The following CYTH2 variants were observed in gnomAD, a reference collection of about 807,000 sequenced individuals.
CYTH2 encodes the protein cytohesin-2.
Under a neutral mutation model 55.4 loss-of-function variants are expected in CYTH2, and 24 were observed. The ratio of observed to expected loss-of-function variants is 0.43; its 90% CI spans 0.31 to 0.61. CYTH2 has a LOEUF of 0.61. CYTH2 is among the 20% of genes least tolerant of loss of function. The probability of loss-of-function intolerance (pLI) is 0.08; values close to 1 mark genes in which losing one functional copy is unlikely to be tolerated. For synonymous variants in CYTH2, 221 were observed against 209.6 expected (o/e 1.05, Z -0.47); for missense variants, 378 against 533.5 (o/e 0.71, Z 2.87).
chr19:48,482,210 C>T lies in CYTH2; in HGVS notation c.*3000C>T, dbSNP rs1386631558. 2.6e-5 allele frequency: 4 copies of T among 152,088 alleles called. No homozygotes were observed. Among genetic ancestry groups the T allele is most frequent in the African/African-American group, 7.3e-5 (3 of 41,358 alleles). 9.4% of individuals were successfully genotyped at this position (152,088 alleles called of 1,614,324 possible). A position where few individuals can be genotyped will look rare whatever the true frequency, so the allele number is the denominator to read the frequency against. The stretch of plus-strand genomic sequence containing the variant: ...AACCTCTTCCTTTATAAAGACCCAG[C>T]CTCAGGTCTTCTGTCAGAGCAACAC... On this transcript the variant is annotated 3_prime_UTR_variant, in exon 12 of 12. Coordinates refer to ENST00000452733, the MANE Select transcript of CYTH2 (RefSeq NM_004228.7).
In CYTH2 at chr19:48,473,866, C is replaced by T. The variant is rs768351607; in HGVS notation, c.435-39C>T. 2.6e-6 allele frequency: 4 copies of T among 1,519,460 alleles called. No homozygotes were observed. The African/African-American group carries it at 4.2e-5, about 16-fold the overall frequency. The allele number at this position is 1,519,460 out of a possible 1,614,324, so 94.1% of individuals were successfully genotyped here. A position where few individuals can be genotyped will look rare whatever the true frequency, so the allele number is the denominator to read the frequency against. The stretch of plus-strand genomic sequence containing the variant: ...GACTGAGAGTGGGGACAGGCTCCCA[C>T]CAGCCCTGGCATCCATTCCTGGCCC... On this transcript the variant is annotated intron_variant, in intron 5 of 11. Coordinates refer to ENST00000452733, the MANE Select transcript of CYTH2 (RefSeq NM_004228.7).
In CYTH2 at chr19:48,481,477, G is replaced by T; in HGVS notation, c.*2267G>T. ...ACCCCCAAGCTCCCAGCACGCTTCT[G>T]ATTTTTTTTGTAGGTTTTTTTTTTT... On this transcript the variant is annotated 3_prime_UTR_variant, in exon 12 of 12. Coordinates refer to ENST00000452733, the MANE Select transcript of CYTH2 (RefSeq NM_004228.7). 1.4e-5 allele frequency: 1 copy of T among 70,442 alleles called. No individual in the cohort carries two copies. The highest frequency in any genetic ancestry group is 3.1e-5 in the Non-Finnish European group (1 of 32,516). 4.4% of individuals were successfully genotyped at this position (70,442 alleles called of 1,614,324 possible). A position where few individuals can be genotyped will look rare whatever the true frequency, so the allele number is the denominator to read the frequency against.
Position 48,480,458 on chromosome 19 carries a change from C to T in CYTH2, c.*1248C>T, listed in dbSNP as rs1401910064. On this transcript the variant is annotated 3_prime_UTR_variant, in exon 12 of 12. Coordinates refer to ENST00000452733, the MANE Select transcript of CYTH2 (RefSeq NM_004228.7). ...CCTGTCCCGCCCTTGGCCACAGGCA[C>T]CTGCCGGCCTGAAGGCCCCCGCGGT... The T allele has an allele frequency of 6.6e-6, 1 of 152,222 alleles. No homozygotes were observed. Among genetic ancestry groups the T allele is most frequent in the Non-Finnish European group, 1.5e-5 (1 of 68,050 alleles). 9.4% of individuals were successfully genotyped at this position (152,222 alleles called of 1,614,324 possible).
intron 4 of CYTH2, 28 bp downstream of exon 4, chr19:48,472,471 G>GCGCCCCCCCC: frequency 6.3e-7 from 1 of 1,584,676 alleles, no homozygotes; most frequent in Non-Finnish European, 8.6e-7. Flanking sequence ...CTCCTGTGGG[G>GCGCCCCCCCC]CCCCTCCCTC....
intron 3 of CYTH2, 23 bp from the exon 4 acceptor site, chr19:48,472,302 G>C (rs2147504755): frequency 6.2e-7 from 1 of 1,611,974 alleles, no homozygotes; most frequent in South Asian, 1.1e-5. Flanking sequence ...CCTCAGCACT[G>C]AGACCTTGTC....
chr19:48,474,713 TC>T lies in CYTH2; in HGVS notation c.697-121del. 1 of 781,262 alleles carries T rather than the reference TC, an allele frequency of 1.3e-6. No homozygotes were observed. The highest frequency in any genetic ancestry group is 2.1e-6 in the Non-Finnish European group (1 of 469,698). The allele number at this position is 781,262 out of a possible 1,614,324, so 48.4% of individuals were successfully genotyped here. Reference sequence around the variant, plus strand: ...TTCTCTGCCTTTCACTTCCCTCTCCTCCCCACTACCCCTCTCTCTTCCCCAC... The same window carrying T: ...TTCTCTGCCTTTCACTTCCCTCTCCTCCCACTACCCCTCTCTCTTCCCCAC... On this transcript the variant is annotated intron_variant, in intron 7 of 11. Coordinates refer to ENST00000452733, the MANE Select transcript of CYTH2 (RefSeq NM_004228.7). The surrounding 1 kb of genome is among the most constrained non-coding windows in gnomAD (Gnocchi z 4.9).
chr19:48,472,507 C>A, intron 4 of CYTH2, 64 bp downstream of exon 4: 1 of 1,325,954 alleles, frequency 7.5e-7, no homozygotes, highest in Non-Finnish European at 1.1e-6. Context: ...AGCTCCTGCC[C>A]TCACACTGGC....
Position 48,476,244 on chromosome 19 carries a change from C to T in CYTH2, c.808+1295C>T, listed in dbSNP as rs188837886. 391 of 241,828 alleles carry T rather than the reference C, an allele frequency of 1.6e-3. 3 individuals carry two copies. Among genetic ancestry groups the T allele is most frequent in the African/African-American group, 8.3e-3 (358 of 43,142 alleles). 15.0% of individuals were successfully genotyped at this position (241,828 alleles called of 1,614,324 possible). A position where few individuals can be genotyped will look rare whatever the true frequency, so the allele number is the denominator to read the frequency against. ...TTAGAGGTCAGGAGTTTGAGACCAA[C>T]CTGGGCAATATAATGATACCCCCCA... On this transcript the variant is annotated intron_variant, in intron 8 of 11. Transcript: ENST00000452733.
chr19:48,478,015 A>G, intron 8 of CYTH2, 54 bp from the exon 9 acceptor site: 2 of 1,475,020 alleles, frequency 1.4e-6, no homozygotes, highest in Non-Finnish European at 1.9e-6. Flanking sequence ...CCCATCTCCC[A>G]GAGGCCCTGT....
chr19:48,477,014 C>G (rs1201853815), intron 8 of CYTH2: 2 of 152,252 alleles, frequency 1.3e-5, no homozygotes, highest in African/African-American at 4.8e-5. Flanking sequence ...GGCCTCTGTT[C>G]CCTTTGTGCC....
intron 4 of CYTH2, 128 bp downstream of exon 4, chr19:48,472,571 C>G: frequency 1.2e-6 from 1 of 810,356 alleles, no homozygotes; most frequent in Non-Finnish European, 2.1e-6. Flanking sequence ...CCTGGCAGAT[C>G]AGCCTTCTGA....
At chr19:48,469,894 T>G (rs1971752833) in intron 1 of CYTH2, 3 of 555,982 alleles carry the variant, frequency 5.4e-6, no homozygotes, top group African/African-American at 1.9e-5. Flanking sequence ...GGGCCTTCGA[T>G]GTCCCGCCCC....
rs1038838789 is a variant in CYTH2, at chr19:48,480,186, G to C, written c.*976G>C. On this transcript the variant is annotated 3_prime_UTR_variant, in exon 12 of 12. Transcript: ENST00000452733. ...TATGTGTGGTGTCCCCAAAGAACAA[G>C]GGCTCGTGGATCCCGAGCAGGGTGC... The C allele has an allele frequency of 1.3e-5, 2 of 152,230 alleles. No homozygotes were observed. Among genetic ancestry groups the C allele is most frequent in the African/African-American group, 2.4e-5 (1 of 41,456 alleles). 9.4% of individuals were successfully genotyped at this position (152,230 alleles called of 1,614,324 possible). A position where few individuals can be genotyped will look rare whatever the true frequency, so the allele number is the denominator to read the frequency against.
At chr19:48,477,998 C>T (rs923313699) in intron 8 of CYTH2, 71 bp from the exon 9 acceptor site, 17 of 1,292,664 alleles carry the variant, frequency 1.3e-5, no homozygotes, top group Middle Eastern at 2.1e-4. Flanking sequence ...CTGCTTCTCA[C>T]GCCCCTCCCA....
Position 48,469,474 on chromosome 19 carries a change from C to G in CYTH2, c.-34C>G. 1 of 1,308,356 alleles carries G rather than the reference C, an allele frequency of 7.6e-7. No individual in the cohort carries two copies. Among genetic ancestry groups the G allele is most frequent in the Non-Finnish European group, 9.8e-7 (1 of 1,021,214 alleles). 81.0% of individuals were successfully genotyped at this position (1,308,356 alleles called of 1,614,324 possible). A position where few individuals can be genotyped will look rare whatever the true frequency, so the allele number is the denominator to read the frequency against. On this transcript the variant is annotated 5_prime_UTR_variant, in exon 1 of 12. Transcript: ENST00000452733. The stretch of plus-strand genomic sequence containing the variant: ...CGGATCCAGGCCCGACTGGCGGGAC[C>G]GCCCCGGATTCCCCGCGGGCCTTCC...
At position 48,479,269 on chromosome 19, in the gene CYTH2, C is replaced by T; in HGVS notation, c.*59C>T. On this transcript the variant is annotated 3_prime_UTR_variant, in exon 12 of 12. Transcript: ENST00000452733. ...GCTGCCCCGCCTGGGTGGCCGGACC[C>T]CTGGGCCTTGGGGCTGTGGATCCTG... 6.3e-7 allele frequency: 1 copy of T among 1,588,906 alleles called. No individual in the cohort carries two copies. Among genetic ancestry groups the T allele is most frequent in the Non-Finnish European group, 8.6e-7 (1 of 1,158,354 alleles).
chr19:48,469,748 G>C (rs913970961), intron 1 of CYTH2: 3 of 727,802 alleles, frequency 4.1e-6, no homozygotes, highest in African/African-American at 3.6e-5. Context: ...CGGTGGCGGC[G>C]GGAGGGGCGG....
chr19:48,473,134 C>T (rs571702615), intron 4 of CYTH2, 164 bp from the exon 5 acceptor site: 3 of 694,486 alleles, frequency 4.3e-6, no homozygotes, highest in Admixed American at 2.3e-5. Flanking sequence ...GAGCATCCCC[C>T]ACCCTGGGGG....
Position 48,469,414 on chromosome 19 carries a change from G to C in CYTH2, c.-94G>C. On this transcript the variant is annotated 5_prime_UTR_variant, in exon 1 of 12. Transcript: ENST00000452733. ...AGGAGGCGGCGGTGGCTCCCGGGGC[G>C]TTTGAGCGGGCTCACCCGAGCCCGC... is the stretch of plus-strand genomic sequence containing the variant. The C allele has an allele frequency of 7.8e-7, 1 of 1,286,960 alleles. No individual in the cohort carries two copies. Among genetic ancestry groups the C allele is most frequent in the South Asian group, 2.4e-5 (1 of 41,138 alleles). 79.7% of individuals were successfully genotyped at this position (1,286,960 alleles called of 1,614,324 possible).
Sources: allele counts gnomAD v4.1 joint callset, GRCh38; gene constraint gnomAD v4.1.1; non-coding constraint Gnocchi (gnomAD v3.1); transcripts MANE v1.5; gene names NCBI Gene and HGNC (gene_info 2026-07-23, HGNC 2026-07-21).